ATP11B: variants seen among roughly 807,000 people sequenced by gnomAD.
ATP11B encodes the protein phospholipid-transporting ATPase IF.
ATP11B carries 81 observed loss-of-function variants against 157.8 expected under a neutral mutation model. The observed-to-expected ratio is 0.51, with a 90% confidence interval of 0.43 to 0.62. The LOEUF (loss-of-function observed/expected upper bound fraction) is 0.62, where lower values mean the gene tolerates loss of function less well. Ranked by LOEUF, ATP11B falls within the 20% of genes least tolerant of loss-of-function variation. The pLI, the probability that ATP11B is intolerant of heterozygous loss-of-function variation, is 0.00. For missense variants in ATP11B, 1,165 were observed against 1,402.2 expected (o/e 0.83, Z 2.70); for synonymous variants, 451 against 469.4 (o/e 0.96, Z 0.51).
chr3:182,810,360 A>C (rs879802257), intron 1 of ATP11B, among the ~76,000 whole-genome samples: 1 of 152,162 alleles, frequency 6.6e-6, no homozygotes, highest in Non-Finnish European at 1.5e-5. Flanking sequence ...TTTCAGAATT[A>C]TGTTAGTGTG....
intron 12 of ATP11B, among the ~76,000 whole-genome samples, chr3:182,863,915 T>G (rs937527098): frequency 3.3e-5 from 5 of 152,072 alleles, no homozygotes; most frequent in Admixed American, 1.3e-4. Flanking sequence ...TGTGGGCTTT[T>G]TTTAATTAAC....
At chr3:182,845,277 C>T (rs1449644103) in intron 8 of ATP11B, among the ~76,000 whole-genome samples, 181 bp from the exon 9 acceptor site, 4 of 152,050 alleles carry the variant, frequency 2.6e-5, no homozygotes, top group Non-Finnish European at 2.9e-5. Flanking sequence ...AAAGTGCTAG[C>T]ATTACAGGCG....
At chr3:182,800,405 A>G (rs57241342) in intron 1 of ATP11B, among the ~76,000 whole-genome samples, 1 of 149,826 alleles carries the variant, frequency 6.7e-6, no homozygotes, top group Non-Finnish European at 1.5e-5. Context: ...AAAAAAAAAA[A>G]TTGTAGAGGT....
intron 28 of ATP11B, among the ~76,000 whole-genome samples, chr3:182,907,632 T>C (rs963595450): frequency 1.3e-5 from 2 of 152,218 alleles, no homozygotes; most frequent in African/African-American, 4.8e-5. Flanking sequence ...TGTTTAGGCT[T>C]TTTTAATAGG....
chr3:182,900,127 A>G (rs541154719), intron 28 of ATP11B, among the ~76,000 whole-genome samples: 9 of 152,250 alleles, frequency 5.9e-5, no homozygotes, highest in African/African-American at 1.7e-4. Flanking sequence ...CGTGTCCACA[A>G]CATTTCTTTA....
chr3:182,855,089 G>A (rs985760758), intron 10 of ATP11B, among the ~76,000 whole-genome samples: 1 of 152,106 alleles, frequency 6.6e-6, no homozygotes, highest in African/African-American at 2.4e-5. Flanking sequence ...AGATAGAAAA[G>A]CAAAGGAACA....
intron 17 of ATP11B, 26 bp downstream of exon 17, chr3:182,869,357 A>G: frequency 7.4e-7 from 1 of 1,343,050 alleles, no homozygotes; most frequent in Non-Finnish European, 1.0e-6. Flanking sequence ...TATGATTTAA[A>G]AAACTCTAAA....
chr3:182,865,707 T>G lies in ATP11B; in HGVS notation c.1443+9T>G. 6.3e-7 allele frequency: 1 copy of G among 1,589,114 alleles called. No homozygotes were observed. Among genetic ancestry groups the G allele is most frequent in the Non-Finnish European group, 8.6e-7 (1 of 1,169,040 alleles). On this transcript the variant is annotated intron_variant, in intron 13 of 29. Transcript: ENST00000323116. Reference sequence around the variant, plus strand: ...AAAATGAAACTGAACTAGTAAGTAATTTTTAAATTAATAAATAAGGGTTTC... The same window carrying G: ...AAAATGAAACTGAACTAGTAAGTAAGTTTTAAATTAATAAATAAGGGTTTC...
At chr3:182,896,800 T>G in intron 26 of ATP11B, 35 bp downstream of exon 26, 1 of 1,513,452 alleles carries the variant, frequency 6.6e-7, no homozygotes, top group Non-Finnish European at 9.2e-7. Flanking sequence ...GGACACATTT[T>G]GCAACTGTTT....
chr3:182,917,707 A>T lies in ATP11B; in HGVS notation c.3453-316A>T, dbSNP rs1577129887. The stretch of plus-strand genomic sequence containing the variant: ...TAAAACAATGTGCATAACTCTTAAT[A>T]ACATACTTCTTATTGAATTGTTAAC... On this transcript the variant is annotated intron_variant, in intron 29 of 29. Transcript: ENST00000323116. The T allele has an allele frequency of 1.2e-5, 12 of 985,272 alleles. No individual in the cohort carries two copies. The South Asian group carries it at 5.6e-4, about 46-fold the overall frequency. 61.0% of individuals were successfully genotyped at this position (985,272 alleles called of 1,614,324 possible). A position where few individuals can be genotyped will look rare whatever the true frequency, so the allele number is the denominator to read the frequency against.
At chr3:182,877,581 G>T (rs1374266343) in intron 19 of ATP11B, among the ~76,000 whole-genome samples, 2 of 152,204 alleles carry the variant, frequency 1.3e-5, no homozygotes, top group Non-Finnish European at 2.9e-5. Flanking sequence ...GGTTAAGGCT[G>T]TGGTGAGTTG....
In ATP11B at chr3:182,865,592, C is replaced by G; in HGVS notation, c.1337C>G (p.Ser446Ter). The G allele has an allele frequency of 6.2e-7, 1 of 1,613,828 alleles. No homozygotes were observed. Among genetic ancestry groups the G allele is most frequent in the Non-Finnish European group, 8.5e-7 (1 of 1,179,818 alleles). ...CCCGAAGGACCAACACCAGACTCTT[C>G]AGAAGGAAACTTATCTTATCTTAGT... ...LVPEGPTPDS[S>*]EGNLSYLSSL... is the part of the protein sequence containing the mutation. Residue 446 changes from serine (S) to a stop codon, truncating the protein, a stop_gained, in exon 13 of 30, where the codon TCA becomes TGA. Transcript: ENST00000323116. LOFTEE classifies it high-confidence loss of function.
rs753996481 is a variant in ATP11B at position 182,898,624 on chromosome 3, A to G, written c.3170A>G (p.Gln1057Arg). The change falls in exon 28 of 30, where the codon CAG (glutamine) becomes CGG (arginine). Residue 1057 changes from glutamine (Q) to arginine (R), a missense_variant. By Grantham distance (43) the Gln-to-Arg change is conservative. Coordinates refer to ENST00000323116, the MANE Select transcript of ATP11B (RefSeq NM_014616.3). ...GGILWPFLGS[Q>R]NMYFVFIQLL... The stretch of plus-strand genomic sequence containing the variant: ...CTTTGCAGGCCATTTTTGGGCTCCC[A>G]GAATATGTATTTTGTGTTTATTCAG... 42 of 1,596,950 alleles carry G rather than the reference A, an allele frequency of 2.6e-5. No homozygotes were observed. The South Asian group carries it at 4.7e-4, about 18-fold the overall frequency.
At position 182,823,397 on chromosome 3, in the gene ATP11B, T is replaced by A. The variant is rs1576973903; in HGVS notation, c.144+3021T>A. ...CTCCTTTCCCCATTTCTTGTTTTTG[T>A]CAGGTTTGTCAAAGATCAGATGGTT... On this transcript the variant is annotated intron_variant, in intron 2 of 29. Coordinates refer to ENST00000323116, the MANE Select transcript of ATP11B (RefSeq NM_014616.3). Among the ~76,000 whole-genome samples the A allele has an allele frequency of 2.0e-5, 3 of 152,318 alleles. No homozygotes were observed. The South Asian group carries it at 6.2e-4, about 32-fold the overall frequency.
intron 20 of ATP11B, among the ~76,000 whole-genome samples, 154 bp from the exon 21 acceptor site, chr3:182,880,725 C>T (rs1722365396): frequency 6.6e-6 from 1 of 151,806 alleles, no homozygotes; most frequent in South Asian, 2.1e-4. Flanking sequence ...AATGGAGATA[C>T]CCTCAAAAAA....
At chr3:182,844,586 T>C in intron 8 of ATP11B, 1 of 983,194 alleles carries the variant, frequency 1.0e-6, no homozygotes, top group Non-Finnish European at 1.2e-6. Context: ...CTTCAAGAAG[T>C]ATGCAATGCA....
chr3:182,913,910 T>G lies in ATP11B; in HGVS notation c.3368T>G (p.Phe1123Cys), dbSNP rs760628874. The G allele has an allele frequency of 1.1e-5, 18 of 1,614,048 alleles. No homozygotes were observed. The highest frequency in any genetic ancestry group is 1.5e-5 in the Non-Finnish European group (18 of 1,179,980). The change falls in exon 29 of 30, where the codon TTC becomes TGC. Residue 1123 changes from phenylalanine to cysteine, a missense_variant. Transcript: ENST00000323116. ...GIKCLDSMCC[F>C]PEGEAACASV... ...AAGTGCTTGGACTCCATGTGCTGTT[T>G]CCCGGAAGGAGAAGCAGCGTGTGCA...
intron 24 of ATP11B, among the ~76,000 whole-genome samples, 185 bp downstream of exon 24, chr3:182,887,898 G>A (rs1053363252): frequency 5.3e-5 from 8 of 152,032 alleles, no homozygotes; most frequent in African/African-American, 1.7e-4. Context: ...TAATTTTTCC[G>A]GTGTTTTTTT....
chr3:182,921,156 A>C lies in ATP11B; in HGVS notation c.*3052A>C, dbSNP rs1171290058. The stretch of plus-strand genomic sequence containing the variant: ...CGTGAAGGCTGTAGGAAAAGGGAGA[A>C]TCTTCCATGTTGGTGTTTTTCCTGT... On this transcript the variant is annotated 3_prime_UTR_variant, in exon 30 of 30. Transcript: ENST00000323116. 6.6e-6 allele frequency: 1 copy of C among 152,200 alleles called. No homozygotes were observed. Among genetic ancestry groups the C allele is most frequent in the Non-Finnish European group, 1.5e-5 (1 of 68,034 alleles). The allele number at this position is 152,200 out of a possible 1,614,324, so 9.4% of individuals were successfully genotyped here. A position where few individuals can be genotyped will look rare whatever the true frequency, so the allele number is the denominator to read the frequency against.
Sources: allele counts gnomAD v4.1 joint callset (sites outside exome capture counted in the v4.1 genomes callset), GRCh38; gene constraint gnomAD v4.1.1; transcripts MANE v1.5; gene names NCBI Gene and HGNC (gene_info 2026-07-23, HGNC 2026-07-21).